The following AMDHD1 variants were observed in gnomAD, a reference collection of about 807,000 sequenced individuals.
AMDHD1 encodes probable imidazolonepropionase.
AMDHD1 carries 45 observed loss-of-function variants against 44.1 expected under a neutral mutation model. The observed-to-expected ratio is 1.02, with a 90% CI of 0.80 to 1.31. The LOEUF (loss-of-function observed/expected upper bound fraction) is 1.31. AMDHD1 is among the 50% of genes most tolerant of loss of function. AMDHD1 has a pLI of 0.00. For missense variants in AMDHD1, 586 were observed against 552.1 expected (o/e 1.06, Z -0.61); for synonymous variants, 206 against 205.0 (o/e 1.00, Z -0.04).
rs1194022944 is a variant in AMDHD1, at chr12:95,960,529, T to C, written c.719T>C (p.Leu240Pro). 6.2e-7 allele frequency: 1 copy of C among 1,614,204 alleles called. No homozygotes were observed. The highest frequency in any genetic ancestry group is 2.2e-5 in the East Asian group (1 of 44,882). ...TTTTGTGAGAAAGGTGTCTTTGATC[T>C]CGATTCCACCAGAAGGATTCTTCAA... ...DVFCEKGVFD[L>P]DSTRRILQRG... is the part of the protein sequence containing the mutation. The change falls in exon 5 of 9, where the codon CTC (leucine) becomes CCC (proline). Residue 240 changes from leucine (L) to proline (P), a missense_variant. By Grantham distance (98) the Leu-to-Pro change is moderately conservative. Coordinates refer to ENST00000266736, the MANE Select transcript of AMDHD1 (RefSeq NM_152435.3).
intron 1 of AMDHD1, among the ~76,000 whole-genome samples, chr12:95,946,013 T>A (rs2080493545): frequency 6.6e-6 from 1 of 151,892 alleles, no homozygotes; most frequent in Admixed American, 6.6e-5. Flanking sequence ...TTCATTTAGG[T>A]CTCTAAAGGT....
chr12:95,946,057 C>CTGTG (rs1316926536), intron 1 of AMDHD1, among the ~76,000 whole-genome samples: 5 of 107,900 alleles, frequency 4.6e-5, no homozygotes, highest in African/African-American at 6.7e-5. Context: ...CTCTCTCTTT[C>CTGTG]TCTCTGTGTG....
At chr12:95,944,375 T>A (rs1241858405) in intron 1 of AMDHD1, among the ~76,000 whole-genome samples, 2 of 107,590 alleles carry the variant, frequency 1.9e-5, no homozygotes, top group East Asian at 2.8e-4. Flanking sequence ...TTATTTATTT[T>A]TGAGACGCAT....
At chr12:95,966,840 A>T (rs528917714) in intron 8 of AMDHD1, among the ~76,000 whole-genome samples, 1 of 151,872 alleles carries the variant, frequency 6.6e-6, no homozygotes, top group East Asian at 1.9e-4. Flanking sequence ...CTTGCTCCCA[A>T]CTCTGGCTTC....
chr12:95,951,837 G>A (rs934957747), intron 1 of AMDHD1, among the ~76,000 whole-genome samples: 2 of 152,162 alleles, frequency 1.3e-5, no homozygotes, highest in Non-Finnish European at 2.9e-5. Context: ...GATCATTGAT[G>A]TTGAGCACCT....
chr12:95,967,998 A>AT lies in AMDHD1; in HGVS notation c.*158dup. ...GTCACTCAAAAAACCCAAGGGATAG[A>AT]TTTATTTTCATTTAACACATGCATT... On this transcript the variant is annotated 3_prime_UTR_variant, in exon 9 of 9. Transcript: ENST00000266736. The AT allele has an allele frequency of 1.9e-6, 1 of 530,024 alleles. No individual in the cohort carries two copies. Among genetic ancestry groups the AT allele is most frequent in the Non-Finnish European group, 3.3e-6 (1 of 303,754 alleles). The allele number at this position is 530,024 out of a possible 1,614,324, so 32.8% of individuals were successfully genotyped here.
At chr12:95,944,327 TTTTA>T (rs34358106) in intron 1 of AMDHD1, among the ~76,000 whole-genome samples, 37,373 of 141,408 alleles carry the variant, frequency 0.26, 5,818 homozygotes, top group South Asian at 0.41. Context: ...GTTGGTTTAA[TTTTA>T]TTTATTTATT....
Position 95,965,688 on chromosome 12 carries a change from T to A in AMDHD1, c.941T>A (p.Leu314Gln), listed in dbSNP as rs1455806221. 6.2e-7 allele frequency: 1 copy of A among 1,611,708 alleles called. No homozygotes were observed. The highest frequency in any genetic ancestry group is 8.5e-7 in the Non-Finnish European group (1 of 1,179,240). The change falls in exon 7 of 9, where the codon CTG (leucine) becomes CAG (glutamine). Residue 314 changes from leucine to glutamine, a missense_variant and splice_region_variant. Physicochemically the swap from Leu to Gln is moderately radical, Grantham distance 113 (BLOSUM62 -2). Coordinates refer to ENST00000266736, the MANE Select transcript of AMDHD1 (RefSeq NM_152435.3). Reference protein sequence around the residue: ...LLPTTAYMLRLKQPRARKMLD... With the variant: ...LLPTTAYMLRQKQPRARKMLD... ...ACATATTTTTTTCCTCCCCTTAGAC[T>A]GAAACAACCTCGAGCCAGGAAGATG...
At chr12:95,952,919 A>C in intron 2 of AMDHD1, 96 bp downstream of exon 2, 1 of 697,450 alleles carries the variant, frequency 1.4e-6, no homozygotes, top group South Asian at 1.9e-5. Context: ...TAAAGTCTCA[A>C]AATAATATTT....
intron 1 of AMDHD1, among the ~76,000 whole-genome samples, chr12:95,944,607 A>G (rs1033879768): frequency 6.6e-6 from 1 of 151,746 alleles, no homozygotes; most frequent in African/African-American, 2.4e-5. Context: ...TGTAGAGACA[A>G]TGTCTCACTG....
At chr12:95,960,273 T>C in intron 4 of AMDHD1, 125 bp from the exon 5 acceptor site, 2 of 774,672 alleles carry the variant, frequency 2.6e-6, no homozygotes, top group Non-Finnish European at 4.1e-6. Context: ...AGTCTTTCTC[T>C]ACCTTTCTGA....
At chr12:95,960,667 G>A (rs746497039) in intron 5 of AMDHD1, 44 bp downstream of exon 5, 10 of 1,562,818 alleles carry the variant, frequency 6.4e-6, no homozygotes, top group Non-Finnish European at 7.9e-6. Context: ...ATTCATTCTT[G>A]CACATTCATG....
In AMDHD1 at chr12:95,966,348, C is replaced by T. The variant is rs1036266735; in HGVS notation, c.1033C>T (p.Pro345Ser). ...FNPNAYCFSM[P>S]MVMHLACVNM... Reference sequence around the variant, plus strand: ...CAACACTTTTCTCTTCCTGCCTTAGCCAATGGTCATGCATCTGGCCTGTGT... The same window carrying T: ...CAACACTTTTCTCTTCCTGCCTTAGTCAATGGTCATGCATCTGGCCTGTGT... The change falls in exon 8 of 9, where the codon CCA becomes TCA. Residue 345 changes from proline to serine, a missense_variant and splice_region_variant. Physicochemically the swap from Pro to Ser is moderately conservative, Grantham distance 74 (BLOSUM62 -1). Coordinates refer to ENST00000266736, the MANE Select transcript of AMDHD1 (RefSeq NM_152435.3). The T allele has an allele frequency of 6.2e-7, 1 of 1,614,034 alleles. No homozygotes were observed. Among genetic ancestry groups the T allele is most frequent in the Non-Finnish European group, 8.5e-7 (1 of 1,179,948 alleles).
chr12:95,962,161 G>C (rs1481801776), intron 5 of AMDHD1, among the ~76,000 whole-genome samples, 194 bp from the exon 6 acceptor site: 1 of 152,232 alleles, frequency 6.6e-6, no homozygotes, highest in African/African-American at 2.4e-5. Context: ...AGCTGCTCGG[G>C]AGGCTGAGGT....
Position 95,956,982 on chromosome 12 carries a change from G to A in AMDHD1, c.587+20G>A, listed in dbSNP as rs200099019. 1,685 of 1,611,146 alleles carry A rather than the reference G, an allele frequency of 1.0e-3. 4 individuals carry two copies. The highest frequency in any genetic ancestry group is 1.5e-3 in the Admixed American group (92 of 60,008). ...GCCTAAGTAATCTCAGCCAGTGGGGGCCCGGGTTTAACTCAGAGCATTGAA... is the reference window on the plus strand; with the variant it reads ...GCCTAAGTAATCTCAGCCAGTGGGGACCCGGGTTTAACTCAGAGCATTGAA... On this transcript the variant is annotated intron_variant, in intron 4 of 8. Transcript: ENST00000266736.
intron 2 of AMDHD1, among the ~76,000 whole-genome samples, chr12:95,953,230 A>G (rs2080532936): frequency 6.6e-6 from 1 of 152,234 alleles, no homozygotes. Context: ...TTATTAATCC[A>G]TGGCATAGGA....
In AMDHD1 at chr12:95,952,462, T is replaced by C. The variant is rs80304456; in HGVS notation, c.138-255T>C. On this transcript the variant is annotated intron_variant, in intron 1 of 8. Coordinates refer to ENST00000266736, the MANE Select transcript of AMDHD1 (RefSeq NM_152435.3). ...TGCTCTTTTGGTTACTATAGTTCTG[T>C]AGTATAATTTGAAGTCAGGTAATGT... Among the ~76,000 whole-genome samples the C allele has an allele frequency of 1.3e-3, 195 of 152,328 alleles. 1 individual carries two copies. The highest frequency in any genetic ancestry group is 4.6e-3 in the African/African-American group (191 of 41,570).
intron 6 of AMDHD1, among the ~76,000 whole-genome samples, chr12:95,964,928 C>CAAAGAAAAAAAAAAAAAAAA (rs2080601422): frequency 2.8e-5 from 1 of 35,834 alleles, no homozygotes; most frequent in African/African-American, 1.4e-4. Flanking sequence ...ATGTTTGAGG[C>CAAAGAAAAAAAAAAAAAAAA]AAAAAAAAAA....
intron 5 of AMDHD1, among the ~76,000 whole-genome samples, 154 bp from the exon 6 acceptor site, chr12:95,962,201 G>A (rs1359593295): frequency 6.6e-6 from 1 of 152,222 alleles, no homozygotes; most frequent in Non-Finnish European, 1.5e-5. Context: ...AGGAGGCGGA[G>A]GTTGCAGTGA....
Sources: allele counts gnomAD v4.1 joint callset (sites outside exome capture counted in the v4.1 genomes callset), GRCh38; gene constraint gnomAD v4.1.1; transcripts MANE v1.5; gene names NCBI Gene and HGNC (gene_info 2026-07-23, HGNC 2026-07-21).